WDR12: variants seen among roughly 807,000 people sequenced by gnomAD.
WDR12 encodes ribosome biogenesis protein WDR12.
A neutral mutation model predicts 64.3 loss-of-function variants in WDR12; 42 were observed. That is an observed-to-expected ratio of 0.65 (90% CI 0.51 to 0.84). WDR12 has a LOEUF of 0.84. Among genes scored for constraint, WDR12 ranks in the 40% least tolerant of loss-of-function variants. The probability of loss-of-function intolerance (pLI) is 0.00; values close to 1 mark genes in which losing one functional copy is unlikely to be tolerated. For missense variants in WDR12, 469 were observed against 494.6 expected (o/e 0.95, Z 0.49); for synonymous variants, 158 against 173.3 (o/e 0.91, Z 0.70).
chr2:202,901,105 C>T lies in WDR12; in HGVS notation c.151G>A (p.Val51Met), dbSNP rs1253312677. ...LKDKNEFHKH[V>M]EFDFLIKGQF... is the part of the protein sequence containing the mutation. ...CCCTTAATAAGGAAATCAAACTCCA[C>T]ATGTTTGTGGAACTCTGAGGAAAAT... Residue 51 changes from valine to methionine, a missense_variant, in exon 3 of 13, where the codon GTG (valine) becomes ATG (methionine). Val to Met is a conservative substitution (Grantham distance 21, BLOSUM62 1). Transcript: ENST00000261015. The T allele has an allele frequency of 6.9e-6, 11 of 1,593,996 alleles. No homozygotes were observed. The African/African-American group carries it at 1.1e-4, about 16-fold the overall frequency.
Position 202,880,885 on chromosome 2 carries a change from GGTGA to G in WDR12, c.1243_1246del (p.Ser415LeufsTer13), listed in dbSNP as rs775753769. The G allele has an allele frequency of 4.3e-6, 7 of 1,610,072 alleles. No homozygotes were observed. Among genetic ancestry groups the G allele is most frequent in the Non-Finnish European group, 5.9e-6 (7 of 1,178,054 alleles). ...TCATGCCCCAACATGGGAAGTGGTA[GGTGA>G]ATATCTGTAGGAATACAATTTATTG... is the stretch of plus-strand genomic sequence containing the variant. On this transcript the variant is annotated frameshift_variant, in exon 13 of 13. Transcript: ENST00000261015. LOFTEE classifies it high-confidence loss of function.
intron 4 of WDR12, among the ~76,000 whole-genome samples, chr2:202,899,032 G>GTTTTTTTTTT (rs779419072): frequency 8.1e-5 from 6 of 73,676 alleles, no homozygotes; most frequent in African/African-American, 2.7e-4. Context: ...AATACCTGTG[G>GTTTTTTTTTT]TTTTTTTTTT....
chr2:202,908,262 G>A (rs1401052926), intron 1 of WDR12, among the ~76,000 whole-genome samples: 2 of 152,168 alleles, frequency 1.3e-5, no homozygotes, highest in South Asian at 2.1e-4. Flanking sequence ...GGCCAGAAAC[G>A]ATCCACAGAA....
chr2:202,891,676 T>C (rs1688159120), intron 8 of WDR12, among the ~76,000 whole-genome samples: 1 of 152,230 alleles, frequency 6.6e-6, no homozygotes, highest in Non-Finnish European at 1.5e-5. Context: ...TTGGTGACTA[T>C]AAGAATTAAT....
intron 1 of WDR12, 29 bp from the exon 2 acceptor site, chr2:202,907,988 C>T (rs758089484): frequency 8.9e-6 from 14 of 1,581,884 alleles, no homozygotes; most frequent in South Asian, 3.3e-5. Context: ...ATGTCAAGAT[C>T]AAGTCTACAG....
intron 6 of WDR12, among the ~76,000 whole-genome samples, chr2:202,895,723 T>TCTC (rs1688228390): frequency 6.7e-6 from 1 of 149,862 alleles, no homozygotes. Flanking sequence ...AGAGACAGGG[T>TCTC]TTCTCCATGT....
At chr2:202,889,168 A>G (rs1455705963) in intron 8 of WDR12, among the ~76,000 whole-genome samples, 2 of 152,238 alleles carry the variant, frequency 1.3e-5, no homozygotes, top group Non-Finnish European at 2.9e-5. Flanking sequence ...AAGCTAAATG[A>G]GAAACTCAAT....
chr2:202,883,798 G>T, intron 10 of WDR12, 57 bp from the exon 11 acceptor site: 3 of 1,539,772 alleles, frequency 1.9e-6, no homozygotes, highest in South Asian at 1.2e-5. Context: ...TAGGTAGAAG[G>T]AACCCAAAAA....
chr2:202,881,829 G>C (rs935106856), intron 12 of WDR12, among the ~76,000 whole-genome samples: 5 of 151,742 alleles, frequency 3.3e-5, no homozygotes, highest in African/African-American at 1.2e-4. Context: ...ATTCCAGCCT[G>C]GGCAATAAAG....
chr2:202,885,316 T>C (rs1688026646), intron 8 of WDR12, among the ~76,000 whole-genome samples: 1 of 152,204 alleles, frequency 6.6e-6, no homozygotes, highest in Non-Finnish European at 1.5e-5. Context: ...ACGTGTTGCG[T>C]GTGTGCTCTT....
chr2:202,892,545 A>C, intron 8 of WDR12, 72 bp downstream of exon 8: 1 of 1,010,170 alleles, frequency 9.9e-7, no homozygotes, highest in Non-Finnish European at 1.5e-6. Flanking sequence ...AACAAAAAAG[A>C]CCATATTAAA....
At position 202,897,282 on chromosome 2, in the gene WDR12, T is replaced by C. The variant is rs771130144; in HGVS notation, c.454+18A>G. 1.8e-5 allele frequency: 28 copies of C among 1,554,284 alleles called. No homozygotes were observed. The highest frequency in any genetic ancestry group is 2.3e-5 in the East Asian group (1 of 43,200). ...TCCCTATCTAGGATTCCTCTAAGTG[T>C]AGGCAAACTGTCCTAACCTTTTTTC... On this transcript the variant is annotated intron_variant, in intron 5 of 12. Coordinates refer to ENST00000261015, the MANE Select transcript of WDR12 (RefSeq NM_018256.4).
chr2:202,891,048 C>A lies in WDR12; in HGVS notation c.741+1569G>T, dbSNP rs182893793. 2.0e-3 allele frequency among the ~76,000 whole-genome samples: 286 copies of A among 142,878 alleles called. 1 individual carries two copies. The highest frequency in any genetic ancestry group is 7.2e-3 in the African/African-American group (283 of 39,398). The allele number at this position is 142,878 out of a possible 152,430, so 93.7% of individuals were successfully genotyped here. On this transcript the variant is annotated intron_variant, in intron 8 of 12. Coordinates refer to ENST00000261015, the MANE Select transcript of WDR12 (RefSeq NM_018256.4). Reference sequence around the variant, plus strand: ...TAAAAGAGCTACCTTCTCAGTAAAACATTTTTATAACTCAGGAAATCTTTT... The same window carrying A: ...TAAAAGAGCTACCTTCTCAGTAAAAAATTTTTATAACTCAGGAAATCTTTT...
intron 2 of WDR12, among the ~76,000 whole-genome samples, chr2:202,901,410 C>T (rs1208984980): frequency 6.6e-6 from 1 of 152,166 alleles, no homozygotes; most frequent in East Asian, 1.9e-4. Context: ...ACTAATGGGA[C>T]ATCATCTATA....
At chr2:202,907,489 TGTGCTTCACTA>T in intron 2 of WDR12, among the ~76,000 whole-genome samples, 1 of 152,342 alleles carries the variant, frequency 6.6e-6, no homozygotes, top group East Asian at 1.9e-4. Context: ...CATTTTGCTT[TGTGCTTCACTA>T]GTAAATGGGG....
chr2:202,902,753 C>T (rs1325967322), intron 2 of WDR12, among the ~76,000 whole-genome samples: 2 of 152,178 alleles, frequency 1.3e-5, no homozygotes, highest in African/African-American at 2.4e-5. Context: ...ATCTTGCAGA[C>T]AGCCTATCGT....
chr2:202,903,683 A>G (rs1408513117), intron 2 of WDR12, among the ~76,000 whole-genome samples: 1 of 152,240 alleles, frequency 6.6e-6, no homozygotes, highest in Non-Finnish European at 1.5e-5. Flanking sequence ...GTAAAGTTGC[A>G]TGATACAAAA....
intron 8 of WDR12, among the ~76,000 whole-genome samples, chr2:202,888,994 G>A (rs928878707): frequency 5.3e-5 from 8 of 152,002 alleles, no homozygotes; most frequent in Admixed American, 2.0e-4. Context: ...CCACCTTCTC[G>A]GGCCCCAAAT....
rs528507310 is a variant in WDR12 at position 202,879,192 on chromosome 2, A to C, written c.*1668T>G. 6.6e-6 allele frequency: 1 copy of C among 151,896 alleles called. No individual in the cohort carries two copies. Among genetic ancestry groups the C allele is most frequent in the Non-Finnish European group, 1.5e-5 (1 of 68,004 alleles). The allele number at this position is 151,896 out of a possible 1,614,324, so 9.4% of individuals were successfully genotyped here. ...ACTACAGGCACATGCTGCCACGCCC[A>C]GCTAATTTTTTGTATTTTATTAGAG... On this transcript the variant is annotated 3_prime_UTR_variant, in exon 13 of 13. Transcript: ENST00000261015.
Sources: gnomAD v4.1 joint callset for allele counts (sites outside exome capture counted in the v4.1 genomes callset) on GRCh38, gnomAD v4.1.1 for gene constraint, MANE v1.5 for transcripts, NCBI Gene and HGNC (gene_info 2026-07-23, HGNC 2026-07-21) for gene names.